The following TPTE2 variants were observed in gnomAD, a reference collection of about 807,000 sequenced individuals.
TPTE2 encodes the protein transmembrane phosphoinositide 3-phosphatase and tensin homolog 2, also known as phosphatidylinositol 3,4,5-trisphosphate 3-phosphatase TPTE2.
TPTE2 carries 53 observed loss-of-function variants against 78.6 expected under a neutral mutation model. That is an observed-to-expected ratio of 0.67 (90% confidence interval 0.54 to 0.85). TPTE2 has a LOEUF of 0.85. Ranked by LOEUF, TPTE2 falls within the 40% of genes least tolerant of loss-of-function variation. The pLI, the probability that TPTE2 is intolerant of heterozygous loss-of-function variation, is 0.00. For synonymous variants in TPTE2, 175 were observed against 206.2 expected, an observed-to-expected ratio of 0.85 and a Z score of 1.30; for missense variants, 461 against 623.0, an observed-to-expected ratio of 0.74 and a Z score of 2.77.
At chr13:19,530,667 C>T (rs1052849106) in intron 1 of TPTE2, among the ~76,000 whole-genome samples, 3 of 152,076 alleles carry the variant, frequency 2.0e-5, no homozygotes, top group African/African-American at 7.2e-5. Context: ...ACCTCAGCCT[C>T]CTGAGTAGCT....
chr13:19,483,027 C>CA (rs977392501), intron 3 of TPTE2, among the ~76,000 whole-genome samples: 3 of 152,084 alleles, frequency 2.0e-5, no homozygotes, highest in Non-Finnish European at 4.4e-5. Flanking sequence ...GCATTATGTT[C>CA]AAAAAACTTA....
chr13:19,506,158 A>ATTTTTTTT (rs1566069858), upstream of TPTE2, among the ~76,000 whole-genome samples: 42 of 23,534 alleles, frequency 1.8e-3, no homozygotes, highest in East Asian at 4.7e-3. Flanking sequence ...GTGTATATAA[A>ATTTTTTTT]TCTTTTTTTT....
At chr13:19,462,168 C>T (rs1469187507) in intron 10 of TPTE2, among the ~76,000 whole-genome samples, 1 of 151,734 alleles carries the variant, frequency 6.6e-6, no homozygotes, top group Non-Finnish European at 1.5e-5. Context: ...TTCTCTTTCT[C>T]AGGTGTATAT....
chr13:19,504,933 G>A (rs191892855), upstream of TPTE2, among the ~76,000 whole-genome samples: 141 of 151,912 alleles, frequency 9.3e-4, no homozygotes, highest in Admixed American at 2.7e-3. Flanking sequence ...ACATATTTGT[G>A]TACACATATT....
intron 1 of TPTE2, among the ~76,000 whole-genome samples, chr13:19,499,055 C>T (rs982374884): frequency 2.0e-5 from 3 of 151,844 alleles, no homozygotes; most frequent in Non-Finnish European, 4.4e-5. Flanking sequence ...ACAAAGAAGG[C>T]CATTACATAA....
chr13:19,468,129 C>T (rs548751248), intron 6 of TPTE2, among the ~76,000 whole-genome samples: 2 of 148,542 alleles, frequency 1.3e-5, no homozygotes, highest in Admixed American at 1.4e-4. Context: ...CAACCTCCAC[C>T]TCCCAGGTTC....
At chr13:19,511,165 A>C (rs3123289) in intron 1 of TPTE2, among the ~76,000 whole-genome samples, 149,777 of 152,322 alleles carry the variant, frequency 0.98, 73,687 homozygotes, top group Middle Eastern at 1. Context: ...TAAGGATAAT[A>C]ATTTGGCGGC....
At chr13:19,493,758 C>A in intron 1 of TPTE2, 1 of 499,276 alleles carries the variant, frequency 2.0e-6, no homozygotes, top group South Asian at 2.0e-5. Flanking sequence ...ACCTCAGTCC[C>A]AATGTGTGAC....
At chr13:19,494,649 T>C (rs1358451687) in intron 1 of TPTE2, among the ~76,000 whole-genome samples, 1 of 152,182 alleles carries the variant, frequency 6.6e-6, no homozygotes, top group South Asian at 2.1e-4. Flanking sequence ...TCTCAGGGCA[T>C]CTGCCTGCTT....
intron 1 of TPTE2, among the ~76,000 whole-genome samples, chr13:19,502,743 A>G (rs1868694850): frequency 6.6e-6 from 1 of 152,020 alleles, no homozygotes; most frequent in South Asian, 2.1e-4. Context: ...GCACATGTAT[A>G]CATATGTAAC....
At chr13:19,464,869 A>C (rs962191594) in intron 9 of TPTE2, among the ~76,000 whole-genome samples, 1 of 152,232 alleles carries the variant, frequency 6.6e-6, no homozygotes, top group Non-Finnish European at 1.5e-5. Flanking sequence ...GGGAACTCCC[A>C]AGGTGCTTTG....
chr13:19,561,469 G>T, the TPTE2 span, among the ~76,000 whole-genome samples: 1 of 151,860 alleles, frequency 6.6e-6, no homozygotes, highest in Non-Finnish European at 1.5e-5. Flanking sequence ...ACGCCTCCCC[G>T]CAAGCCCCGA....
chr13:19,554,446 T>C, the TPTE2 span, among the ~76,000 whole-genome samples: 1 of 151,690 alleles, frequency 6.6e-6, no homozygotes, highest in Non-Finnish European at 1.5e-5. Context: ...AGTTTGGTAA[T>C]ATACTTTTTT....
chr13:19,434,152 C>T (rs745488459), intron 15 of TPTE2, among the ~76,000 whole-genome samples: 19 of 152,166 alleles, frequency 1.2e-4, no homozygotes, highest in African/African-American at 3.4e-4. Context: ...GGGTAAGCCA[C>T]GGGCTTTGCC....
chr13:19,473,203 T>C (rs2137587159), intron 6 of TPTE2, among the ~76,000 whole-genome samples: 1 of 152,230 alleles, frequency 6.6e-6, no homozygotes, highest in South Asian at 2.1e-4. Flanking sequence ...CTGTAACCAC[T>C]CCTTAGCTAT....
chr13:19,521,402 T>C lies in TPTE2; in HGVS notation c.-44+15194A>G, dbSNP rs150787532. On this transcript the variant is annotated intron_variant, in intron 1 of 17. Coordinates refer to the TPTE2 transcript ENST00000390680. Reference sequence around the variant, plus strand: ...GATTCCATCTCTTTATTTAGTTAGTTAGTTTTTTGGTTACTGTTTGCTTGT... The same window carrying C: ...GATTCCATCTCTTTATTTAGTTAGTCAGTTTTTTGGTTACTGTTTGCTTGT... 8.9e-4 allele frequency among the ~76,000 whole-genome samples: 136 copies of C among 152,116 alleles called. 3 individuals are homozygous for C. The highest frequency in any genetic ancestry group is 3.1e-3 in the African/African-American group (128 of 41,572).
intron 1 of TPTE2, among the ~76,000 whole-genome samples, chr13:19,513,722 T>C (rs1251292330): frequency 6.6e-6 from 1 of 152,208 alleles, no homozygotes; most frequent in African/African-American, 2.4e-5. Context: ...AAAAATTGTT[T>C]AGGACTCTCA....
At chr13:19,449,059 C>T (rs913930466) in intron 13 of TPTE2, among the ~76,000 whole-genome samples, 2 of 152,056 alleles carry the variant, frequency 1.3e-5, no homozygotes, top group South Asian at 2.1e-4. Context: ...GCATGTCTCA[C>T]TTATTTGTGG....
intron 1 of TPTE2, among the ~76,000 whole-genome samples, chr13:19,509,931 T>C (rs1869319197): frequency 6.6e-6 from 1 of 152,216 alleles, no homozygotes; most frequent in Non-Finnish European, 1.5e-5. Flanking sequence ...AATCCCTACC[T>C]AACACCATAT....
Sources: allele counts gnomAD v4.1 joint callset (sites outside exome capture counted in the v4.1 genomes callset), GRCh38; gene constraint gnomAD v4.1.1; transcripts MANE v1.5; gene names NCBI Gene and HGNC (gene_info 2026-07-23, HGNC 2026-07-21).